The following MLLT10 variants were observed in gnomAD, a reference collection of about 807,000 sequenced individuals.
The protein encoded by MLLT10 is protein AF-10.
MLLT10 carries 30 observed loss-of-function variants against 129.1 expected under a neutral mutation model. That is an observed-to-expected ratio of 0.23 (90% confidence interval 0.17 to 0.32). The LOEUF (loss-of-function observed/expected upper bound fraction) is 0.32. MLLT10 is among the 10% of genes least tolerant of loss of function. MLLT10 has a pLI of 1.00. For missense variants in MLLT10, 1,119 were observed against 1,268.3 expected (o/e 0.88, Z 1.79); for synonymous variants, 490 against 446.4 (o/e 1.10, Z -1.23).
At chr10:21,738,250 A>G (rs1423719211) in intron 21 of MLLT10, among the ~76,000 whole-genome samples, 3 of 152,018 alleles carry the variant, frequency 2.0e-5, no homozygotes, top group Admixed American at 6.6e-5. Flanking sequence ...CTGGACAACT[A>G]GAGCGAGACT....
intron 8 of MLLT10, among the ~76,000 whole-genome samples, chr10:21,638,685 C>T (rs2047692461): frequency 6.6e-6 from 1 of 152,158 alleles, no homozygotes; most frequent in African/African-American, 2.4e-5. Context: ...CTTTTCCTCT[C>T]CTCAAATTCC....
rs910137575 is a variant in MLLT10 at position 21,625,990 on chromosome 10, T to G, written c.699+8783T>G. On this transcript the variant is annotated intron_variant, in intron 8 of 22. Transcript: ENST00000307729. ...GCACACCAGAGTACACACTGTTTGG[T>G]GGAGGCCCACCATACTTCCTCTGTC... is the stretch of plus-strand genomic sequence containing the variant. 19 of 951,118 alleles carry G rather than the reference T, an allele frequency of 2.0e-5. No homozygotes were observed. In the African/African-American group the frequency reaches 2.6e-4, roughly 13 times the overall value. 58.9% of individuals were successfully genotyped at this position (951,118 alleles called of 1,614,324 possible).
intron 3 of MLLT10, among the ~76,000 whole-genome samples, chr10:21,547,331 C>T (rs1355369527): frequency 2.0e-5 from 3 of 151,826 alleles, no homozygotes; most frequent in Admixed American, 6.6e-5. Flanking sequence ...GTCCTTGGGA[C>T]GCCTTGATTC....
chr10:21,702,053 AG>A (rs2054982757), intron 13 of MLLT10, among the ~76,000 whole-genome samples: 1 of 151,846 alleles, frequency 6.6e-6, no homozygotes, highest in South Asian at 2.1e-4. Flanking sequence ...CAGCCTCCCG[AG>A]TAGCTAGGAC....
At position 21,614,574 on chromosome 10, in the gene MLLT10, G is replaced by T. The variant is rs2045037544; in HGVS notation, c.510-257G>T. On this transcript the variant is annotated intron_variant, in intron 6 of 22. Transcript: ENST00000307729. ...ATCTATTTGGAGACATAAAACATGT[G>T]TACATCTTCATCCTAATATGAGATG... 2.0e-5 allele frequency among the ~76,000 whole-genome samples: 3 copies of T among 152,058 alleles called. No homozygotes were observed. In the South Asian group the frequency reaches 6.2e-4, roughly 31 times the overall value.
At chr10:21,625,075 T>A in intron 8 of MLLT10, 1 of 868,690 alleles carries the variant, frequency 1.2e-6, no homozygotes, top group Non-Finnish European at 1.9e-6. Flanking sequence ...ACTGTAGTAA[T>A]CTTCATGCCA....
intron 3 of MLLT10, among the ~76,000 whole-genome samples, chr10:21,553,478 A>G (rs1205222469): frequency 6.6e-6 from 1 of 151,376 alleles, no homozygotes; most frequent in East Asian, 1.9e-4. Context: ...GGCGTGTGCC[A>G]CTATGCCCAG....
intron 3 of MLLT10, among the ~76,000 whole-genome samples, chr10:21,553,325 ATT>A (rs570855470): frequency 6.4e-5 from 9 of 140,266 alleles, no homozygotes; most frequent in Non-Finnish European, 4.7e-5. Context: ...AGCAGTTCTA[ATT>A]TTTTTTTTTT....
intron 3 of MLLT10, among the ~76,000 whole-genome samples, chr10:21,558,651 G>T (rs1011939163): frequency 6.6e-6 from 1 of 151,920 alleles, no homozygotes; most frequent in Non-Finnish European, 1.5e-5. Flanking sequence ...CTCCCAAGGT[G>T]CTGGGATTAC....
At chr10:21,729,859 G>A (rs2057809930) in intron 16 of MLLT10, among the ~76,000 whole-genome samples, 1 of 152,174 alleles carries the variant, frequency 6.6e-6, no homozygotes. Context: ...ACCAAAAAGT[G>A]TAGAGAACAT....
chr10:21,604,252 A>C (rs746473083), intron 5 of MLLT10, among the ~76,000 whole-genome samples: 1 of 152,200 alleles, frequency 6.6e-6, no homozygotes, highest in African/African-American at 2.4e-5. Context: ...TCATCTTCTG[A>C]ATCATTGGAA....
intron 3 of MLLT10, among the ~76,000 whole-genome samples, chr10:21,542,326 T>C (rs7071577): frequency 0.019 from 2,918 of 152,232 alleles, 85 homozygotes; most frequent in African/African-American, 0.066. Flanking sequence ...CCCAGCACTT[T>C]GGGAGGCTCA....
intron 3 of MLLT10, among the ~76,000 whole-genome samples, chr10:21,585,219 C>T (rs2041884022): frequency 2.6e-5 from 4 of 152,088 alleles, no homozygotes; most frequent in Non-Finnish European, 4.4e-5. Flanking sequence ...CCACTGTGCC[C>T]GGCCTATATT....
chr10:21,583,602 T>G (rs1267623461), intron 3 of MLLT10, among the ~76,000 whole-genome samples: 1 of 152,026 alleles, frequency 6.6e-6, no homozygotes, highest in Non-Finnish European at 1.5e-5. Context: ...TGAGGAAACT[T>G]TTACTCATGG....
rs138211747 is a variant in MLLT10 at position 21,673,586 on chromosome 10, C to T, written c.1288C>T (p.Pro430Ser). ...TTCAACCTCAGCTGTTACTTCACAGCCTAAAAGCTTTGAAAATTCACCTGG... is the reference window on the plus strand; with the variant it reads ...TTCAACCTCAGCTGTTACTTCACAGTCTAAAAGCTTTGAAAATTCACCTGG... Reference protein sequence around the residue: ...LPSTSAVTSQPKSFENSPGDL... With the variant: ...LPSTSAVTSQSKSFENSPGDL... Residue 430 changes from proline (P) to serine (S), a missense_variant, in exon 11 of 23, where the codon CCT becomes TCT. Around this residue, in one of 5 missense-constraint regions of MLLT10, gnomAD observed 1,004 missense variants for 1,008.7 expected, o/e 1.00. Coordinates refer to ENST00000307729, the MANE Select transcript of MLLT10 (RefSeq NM_001195626.3). 35 of 1,613,264 alleles carry T rather than the reference C, an allele frequency of 2.2e-5. No individual in the cohort carries two copies. The East Asian group carries it at 6.9e-4, about 32-fold the overall frequency.
intron 21 of MLLT10, among the ~76,000 whole-genome samples, chr10:21,736,654 G>A (rs2131587652): frequency 6.6e-6 from 1 of 152,288 alleles, no homozygotes; most frequent in South Asian, 2.1e-4. Context: ...CTGAATGGTT[G>A]GTTAGTGACT....
intron 3 of MLLT10, 148 bp from the exon 4 acceptor site, chr10:21,586,145 GT>G: frequency 1.5e-6 from 1 of 682,714 alleles, no homozygotes; most frequent in Non-Finnish European, 2.6e-6. Context: ...AAGAACAACT[GT>G]TTGTGAAGAA....
At chr10:21,614,808 A>G (rs1173604136) in intron 6 of MLLT10, 23 bp from the exon 7 acceptor site, 16 of 1,596,524 alleles carry the variant, frequency 1.0e-5, no homozygotes, top group Non-Finnish European at 1.2e-5. Flanking sequence ...ATATCAATAA[A>G]TATACTTGGC....
intron 13 of MLLT10, among the ~76,000 whole-genome samples, chr10:21,709,865 GT>G (rs759765937): frequency 4.6e-5 from 7 of 152,044 alleles, no homozygotes; most frequent in Non-Finnish European, 1.0e-4. Flanking sequence ...AGCCTCCCAA[GT>G]AGCTGGGACT....
Sources: gnomAD v4.1 joint callset for allele counts (sites outside exome capture counted in the v4.1 genomes callset) on GRCh38, gnomAD v4.1.1 for gene constraint, gnomAD v4.1.1 regional missense constraint, MANE v1.5 for transcripts, NCBI Gene and HGNC (gene_info 2026-07-23, HGNC 2026-07-21) for gene names.